CAP2: variants seen among roughly 807,000 people sequenced by gnomAD.
CAP2 encodes cyclase associated actin cytoskeleton regulatory protein 2.
CAP2 carries 24 observed loss-of-function variants against 57.7 expected under a neutral mutation model. That is an observed-to-expected ratio of 0.42 (90% CI 0.30 to 0.58). The LOEUF (loss-of-function observed/expected upper bound fraction) is 0.58, where lower values mean the gene tolerates loss of function less well. Ranked by LOEUF, CAP2 falls within the 20% of genes least tolerant of loss-of-function variation. The pLI is 0.22. For missense variants in CAP2, 501 were observed against 590.3 expected (o/e 0.85, Z 1.57); for synonymous variants, 194 against 207.2 (o/e 0.94, Z 0.55).
chr6:17,529,904 G>A (rs553459279), intron 7 of CAP2, among the ~76,000 whole-genome samples: 1 of 151,354 alleles, frequency 6.6e-6, no homozygotes, highest in Admixed American at 6.6e-5. Flanking sequence ...ATATTCAGTT[G>A]TCACTTTGGG....
chr6:17,445,482 G>A (rs913350685), intron 3 of CAP2, among the ~76,000 whole-genome samples: 48 of 152,188 alleles, frequency 3.2e-4, no homozygotes, highest in African/African-American at 1.1e-3. Context: ...ATTGGGTTGT[G>A]GCATGTTGCT....
intron 2 of CAP2, 92 bp downstream of exon 2, chr6:17,421,768 C>T (rs936950360): frequency 1.4e-6 from 2 of 1,405,428 alleles, no homozygotes; most frequent in Non-Finnish European, 2.0e-6. Flanking sequence ...TTTCTATTAT[C>T]CTTCAGCTTC....
At chr6:17,463,427 T>A (rs565212964) in intron 4 of CAP2, among the ~76,000 whole-genome samples, 2 of 152,336 alleles carry the variant, frequency 1.3e-5, no homozygotes, top group Admixed American at 6.5e-5. Context: ...TTTATACTAG[T>A]CTCACAACCT....
intron 4 of CAP2, among the ~76,000 whole-genome samples, chr6:17,467,381 C>T (rs540293753): frequency 1.4e-4 from 22 of 152,262 alleles, no homozygotes; most frequent in African/African-American, 5.1e-4. Context: ...TTTGTGGGTA[C>T]ATAGTAGGCA....
At chr6:17,541,169 T>G in intron 9 of CAP2, 21 bp downstream of exon 9, 1 of 1,579,504 alleles carries the variant, frequency 6.3e-7, no homozygotes, top group Non-Finnish European at 8.6e-7. Context: ...CATTTTAACC[T>G]TTATTTTCCT....
chr6:17,423,876 G>A (rs1158236738), intron 2 of CAP2, among the ~76,000 whole-genome samples: 2 of 152,090 alleles, frequency 1.3e-5, no homozygotes, highest in Non-Finnish European at 2.9e-5. Flanking sequence ...TATCCTACTT[G>A]AAATGAAGTA....
chr6:17,494,531 G>A (rs1433571717), intron 4 of CAP2, among the ~76,000 whole-genome samples: 3 of 151,930 alleles, frequency 2.0e-5, no homozygotes, highest in Admixed American at 2.0e-4. Context: ...GACCTGTGCT[G>A]GCCATCCTAT....
At chr6:17,471,799 C>A (rs1468503615) in intron 4 of CAP2, among the ~76,000 whole-genome samples, 3 of 150,452 alleles carry the variant, frequency 2.0e-5, no homozygotes, top group Non-Finnish European at 2.9e-5. Flanking sequence ...CCACTGCACT[C>A]CAGCCTGGGC....
At chr6:17,519,936 TA>T (rs1231520261) in intron 7 of CAP2, among the ~76,000 whole-genome samples, 1 of 152,236 alleles carries the variant, frequency 6.6e-6, no homozygotes, top group Admixed American at 6.5e-5. Context: ...TTTCGGTTGT[TA>T]AACTTGTTGA....
intron 3 of CAP2, among the ~76,000 whole-genome samples, chr6:17,437,776 C>A (rs1228108801): frequency 6.6e-6 from 1 of 152,008 alleles, no homozygotes; most frequent in African/African-American, 2.4e-5. Flanking sequence ...ACTCAGGAGG[C>A]TGAGGCAGGA....
At chr6:17,544,959 A>T (rs942625805) in intron 11 of CAP2, among the ~76,000 whole-genome samples, 3 of 152,214 alleles carry the variant, frequency 2.0e-5, no homozygotes, top group African/African-American at 4.8e-5. Flanking sequence ...TCTTCAGAAA[A>T]AGCCCGGTAC....
At chr6:17,401,511 T>C (rs932484655) in intron 1 of CAP2, among the ~76,000 whole-genome samples, 2 of 152,194 alleles carry the variant, frequency 1.3e-5, no homozygotes, top group Admixed American at 1.3e-4. Context: ...ATGTATACTG[T>C]CCTGGTATTG....
chr6:17,498,873 C>T (rs541153530), intron 4 of CAP2, among the ~76,000 whole-genome samples: 96 of 151,956 alleles, frequency 6.3e-4, no homozygotes, highest in Non-Finnish European at 1.2e-3. Flanking sequence ...GGATTACAGG[C>T]GCCCGCCACC....
chr6:17,467,299 A>G (rs1335167225), intron 4 of CAP2, among the ~76,000 whole-genome samples: 3 of 152,220 alleles, frequency 2.0e-5, no homozygotes, highest in African/African-American at 7.2e-5. Flanking sequence ...GTAACACAGC[A>G]ATAGAAAACT....
chr6:17,528,195 C>T (rs543795958), intron 7 of CAP2, among the ~76,000 whole-genome samples: 9 of 152,302 alleles, frequency 5.9e-5, no homozygotes, highest in African/African-American at 2.2e-4. Context: ...TTTACGTTAG[C>T]CTAGGCTAAG....
chr6:17,462,053 A>C (rs148722403), intron 3 of CAP2, among the ~76,000 whole-genome samples: 40 of 151,316 alleles, frequency 2.6e-4, no homozygotes, highest in Admixed American at 4.6e-4. Context: ...AAAAAGAACC[A>C]AAAAAACCCA....
intron 7 of CAP2, chr6:17,536,218 T>C (rs1419903073): frequency 2.2e-6 from 1 of 456,756 alleles, no homozygotes; most frequent in South Asian, 1.5e-5. Flanking sequence ...TCTCCTGTCA[T>C]GTGCTGTAAT....
At chr6:17,544,807 G>A (rs1443267391) in intron 11 of CAP2, among the ~76,000 whole-genome samples, 1 of 152,066 alleles carries the variant, frequency 6.6e-6, no homozygotes, top group African/African-American at 2.4e-5. Context: ...CACCTGCCTC[G>A]GCCTCCCAAA....
Position 17,426,783 on chromosome 6 carries a change from T to A in CAP2, c.222+93T>A. ...AACAGCCTGAGGAGATCTTTATTTA[T>A]TTATTTAGTTTTTACTCTGGCTAGG... On this transcript the variant is annotated intron_variant, in intron 3 of 12. Coordinates refer to ENST00000229922, the MANE Select transcript of CAP2 (RefSeq NM_006366.3). 6 of 821,896 alleles carry A rather than the reference T, an allele frequency of 7.3e-6. 1 individual carries two copies. The South Asian group carries it at 8.7e-5, about 12-fold the overall frequency. The allele number at this position is 821,896 out of a possible 1,614,324, so 50.9% of individuals were successfully genotyped here.
Sources: allele counts gnomAD v4.1 joint callset (sites outside exome capture counted in the v4.1 genomes callset), GRCh38; gene constraint gnomAD v4.1.1; transcripts MANE v1.5; gene names NCBI Gene and HGNC (gene_info 2026-07-23, HGNC 2026-07-21).